RGS1: variants seen among roughly 807,000 people sequenced by gnomAD.
RGS1 encodes B-cell activation protein BL34.
A neutral mutation model predicts 22.2 loss-of-function variants in RGS1; 11 were observed. The ratio of observed to expected loss-of-function variants is 0.50; its 90% confidence interval spans 0.31 to 0.82. The LOEUF (loss-of-function observed/expected upper bound fraction) is 0.82, where lower values mean the gene tolerates loss of function less well. Ranked by LOEUF, RGS1 falls within the 40% of genes least tolerant of loss-of-function variation. RGS1 has a pLI of 0.04. For missense variants in RGS1, 255 were observed against 245.8 expected (o/e 1.04, Z -0.25); for synonymous variants, 81 against 79.9 (o/e 1.01, Z -0.07).
chr1:192,576,933 A>G, intron 3 of RGS1, 98 bp downstream of exon 3: 1 of 1,046,948 alleles, frequency 9.6e-7, no homozygotes, highest in African/African-American at 1.6e-5. Flanking sequence ...TAGTATGCAA[A>G]AGGTTGTATT....
intron 4 of RGS1, 27 bp from the exon 5 acceptor site, chr1:192,579,110 A>G (rs748019441): frequency 1.9e-6 from 3 of 1,593,316 alleles, no homozygotes; most frequent in Non-Finnish European, 2.6e-6. Context: ...AAAAGTATAT[A>G]TTAGCTAACA....
intron 3 of RGS1, 122 bp downstream of exon 3, chr1:192,576,957 A>G: frequency 2.5e-6 from 2 of 788,056 alleles, no homozygotes; most frequent in Non-Finnish European, 3.9e-6. Context: ...GTTTGTCTGT[A>G]GTTACTGATA....
Position 192,575,775 on chromosome 1 carries a change from A to AT in RGS1, c.-17dup. On this transcript the variant is annotated 5_prime_UTR_variant, in exon 1 of 5. Transcript: ENST00000367459. ...AAGCAGCAGAGACGTTGACTAGCGC[A>AT]TATTTGCTAAGAGCACCATGCGCGC... 6.2e-7 allele frequency: 1 copy of AT among 1,612,812 alleles called. No homozygotes were observed. The highest frequency in any genetic ancestry group is 8.5e-7 in the Non-Finnish European group (1 of 1,179,132).
intron 1 of RGS1, 46 bp from the exon 2 acceptor site, chr1:192,576,239 A>G (rs1365762988): frequency 2.2e-6 from 3 of 1,390,930 alleles, no homozygotes; most frequent in Non-Finnish European, 3.0e-6. Flanking sequence ...TACAAATAAA[A>G]TGAATTCTGA....
chr1:192,578,416 T>C, intron 4 of RGS1, 31 bp downstream of exon 4: 1 of 1,607,556 alleles, frequency 6.2e-7, no homozygotes, highest in Non-Finnish European at 8.5e-7. Context: ...CATCAGTTTC[T>C]CCATAAAAGA....
chr1:192,578,471 T>A lies in RGS1; in HGVS notation c.444+86T>A. The A allele has an allele frequency of 2.7e-6, 4 of 1,475,016 alleles. No homozygotes were observed. The South Asian group carries it at 4.7e-5, about 18-fold the overall frequency. 91.4% of individuals were successfully genotyped at this position (1,475,016 alleles called of 1,614,324 possible). ...ATTTAATATATACAACAAGATAAAATCCTTTTGGGGTATATAATTTTACTT... is the reference window on the plus strand; with the variant it reads ...ATTTAATATATACAACAAGATAAAAACCTTTTGGGGTATATAATTTTACTT... On this transcript the variant is annotated intron_variant, in intron 4 of 4. Transcript: ENST00000367459.
chr1:192,576,827 C>A lies in RGS1; in HGVS notation c.272C>A (p.Ala91Asp), dbSNP rs775963854. ...TCTCAATCTCTGGAAAAACTTCTTG[C>A]CAACCAAAGTAAGTATAACTATTGA... ...QWSQSLEKLL[A>D]NQTGQNVFGS... Residue 91 changes from alanine (A) to aspartate (D), a missense_variant, in exon 3 of 5, where the codon GCC (alanine) becomes GAC (aspartate). Transcript: ENST00000367459. 13 of 1,611,416 alleles carry A rather than the reference C, an allele frequency of 8.1e-6. No homozygotes were observed. The highest frequency in any genetic ancestry group is 1.1e-5 in the Non-Finnish European group (13 of 1,178,526).
intron 4 of RGS1, chr1:192,578,843 T>G (rs1337389974): frequency 2.6e-6 from 1 of 387,166 alleles, no homozygotes; most frequent in Non-Finnish European, 4.5e-6. Flanking sequence ...AATGCCTACA[T>G]CACTCTTTAT....
chr1:192,578,786 A>G lies in RGS1; in HGVS notation c.445-351A>G, dbSNP rs148323942. On this transcript the variant is annotated intron_variant, in intron 4 of 4. Coordinates refer to ENST00000367459, the MANE Select transcript of RGS1 (RefSeq NM_002922.4). ...ATTACCAGATAAATATTCTTGGTCC[A>G]AGCAGAAAATATCAACAAAAAGAGC... is the stretch of plus-strand genomic sequence containing the variant. The G allele has an allele frequency of 6.9e-4, 249 of 362,210 alleles. 1 individual carries two copies. Among genetic ancestry groups the G allele is most frequent in the African/African-American group, 5.0e-3 (237 of 47,378 alleles). The allele number at this position is 362,210 out of a possible 1,614,324, so 22.4% of individuals were successfully genotyped here. A position where few individuals can be genotyped will look rare whatever the true frequency, so the allele number is the denominator to read the frequency against.
chr1:192,576,534 G>A (rs1662063623), intron 2 of RGS1, 169 bp downstream of exon 2: 1 of 634,602 alleles, frequency 1.6e-6, no homozygotes, highest in African/African-American at 1.9e-5. Flanking sequence ...GAATACAAAT[G>A]TGTACACACA....
At chr1:192,578,717 T>A (rs3790365) in intron 4 of RGS1, 34,363 of 439,170 alleles carry the variant, frequency 0.078, 1,562 homozygotes, top group East Asian at 0.14. Flanking sequence ...CAGATTAGCA[T>A]AATGTATACA....
chr1:192,576,094 A>C, intron 1 of RGS1, 165 bp downstream of exon 1: 1 of 965,976 alleles, frequency 1.0e-6, no homozygotes, highest in East Asian at 2.6e-5. Context: ...TTAAAAAATA[A>C]ATCTTGATAT....
chr1:192,579,062 T>C, intron 4 of RGS1, 75 bp from the exon 5 acceptor site: 3 of 1,443,028 alleles, frequency 2.1e-6, no homozygotes, highest in Non-Finnish European at 2.8e-6. Flanking sequence ...TTCTGAGGTG[T>C]TTCAAAAAAC....
chr1:192,576,539 C>T (rs1009547203), intron 2 of RGS1, 174 bp downstream of exon 2: 6 of 632,622 alleles, frequency 9.5e-6, no homozygotes, highest in South Asian at 4.4e-5. Flanking sequence ...CAAATGTGTA[C>T]ACACACATAT....
At chr1:192,577,944 C>A (rs2246829) in intron 3 of RGS1, 33,516 of 369,128 alleles carry the variant, frequency 0.091, 8,205 homozygotes, top group African/African-American at 0.57. Flanking sequence ...CAATTCAAAC[C>A]GCGGATAGAA....
chr1:192,577,950 T>C lies in RGS1; in HGVS notation c.281-272T>C, dbSNP rs545727464. 1.0e-5 allele frequency: 4 copies of C among 398,950 alleles called. No homozygotes were observed. The South Asian group carries it at 1.4e-4, about 14-fold the overall frequency. The allele number at this position is 398,950 out of a possible 1,614,324, so 24.7% of individuals were successfully genotyped here. On this transcript the variant is annotated intron_variant, in intron 3 of 4. Coordinates refer to ENST00000367459, the MANE Select transcript of RGS1 (RefSeq NM_002922.4). The stretch of plus-strand genomic sequence containing the variant: ...GCAGAATTTCAATTCAAACCGCGGA[T>C]AGAAGCAAAACAGTTTGGTAGCCAC...
At chr1:192,578,113 T>C in intron 3 of RGS1, 109 bp from the exon 4 acceptor site, 2 of 1,298,094 alleles carry the variant, frequency 1.5e-6, no homozygotes. Context: ...CTTACCTTTG[T>C]ATGAATAGGA....
At chr1:192,577,010 C>A (rs1662073531) in intron 3 of RGS1, 175 bp downstream of exon 3, 1 of 448,698 alleles carries the variant, frequency 2.2e-6, no homozygotes, top group Admixed American at 4.2e-5. Flanking sequence ...ACTTAGCACT[C>A]AATTCTGCCA....
chr1:192,578,021 T>C (rs1662094531), intron 3 of RGS1: 1 of 601,018 alleles, frequency 1.7e-6, no homozygotes, highest in South Asian at 2.6e-5. Flanking sequence ...TGGCCCCAGA[T>C]TCCTCTTCTA....
Sources: allele counts gnomAD v4.1 joint callset, GRCh38; gene constraint gnomAD v4.1.1; transcripts MANE v1.5; gene names NCBI Gene and HGNC (gene_info 2026-07-23, HGNC 2026-07-21).